FBXO25: variants seen among roughly 807,000 people sequenced by gnomAD.
The protein encoded by FBXO25 is F-box only protein 25.
Under a neutral mutation model 51.9 loss-of-function variants are expected in FBXO25, and 45 were observed. The observed-to-expected ratio is 0.87, with a 90% CI of 0.68 to 1.11. FBXO25 has a LOEUF of 1.11. Among genes scored for constraint, FBXO25 ranks in the 50% most tolerant of loss-of-function variants. FBXO25 has a pLI of 0.00. For synonymous variants in FBXO25, 199 were observed against 151.0 expected (o/e 1.32, Z -2.33); for missense variants, 507 against 428.5 (o/e 1.18, Z -1.62).
chr8:418,026 A>G (rs868407773), intron 2 of FBXO25, among the ~76,000 whole-genome samples: 1 of 152,204 alleles, frequency 6.6e-6, no homozygotes, highest in Non-Finnish European at 1.5e-5. Flanking sequence ...ACAGATTCCC[A>G]TTAATTCACA....
At chr8:460,105 G>A (rs1799711523) in intron 8 of FBXO25, among the ~76,000 whole-genome samples, 1 of 152,144 alleles carries the variant, frequency 6.6e-6, no homozygotes, top group Admixed American at 6.5e-5. Context: ...GGTTGCCTGG[G>A]ATGAGCCCTC....
At chr8:433,289 G>C (rs1797922768) in intron 4 of FBXO25, among the ~76,000 whole-genome samples, 1 of 152,136 alleles carries the variant, frequency 6.6e-6, no homozygotes, top group Non-Finnish European at 1.5e-5. Flanking sequence ...TGTGGTATAT[G>C]TGTGCAGTGT....
chr8:431,569 C>A (rs1175322028), intron 3 of FBXO25, 125 bp downstream of exon 3: 16 of 521,158 alleles, frequency 3.1e-5, no homozygotes, highest in Non-Finnish European at 4.7e-5. Flanking sequence ...CAGTATCCAG[C>A]ATTGCCTACA....
At chr8:421,397 C>A (rs1348313211) in intron 2 of FBXO25, among the ~76,000 whole-genome samples, 1 of 152,224 alleles carries the variant, frequency 6.6e-6, no homozygotes, top group South Asian at 2.1e-4. Context: ...TTATCAGTAA[C>A]TTTGGAAAAC....
chr8:425,925 G>A (rs1797446479), intron 2 of FBXO25, among the ~76,000 whole-genome samples: 2 of 138,060 alleles, frequency 1.4e-5, no homozygotes, highest in African/African-American at 2.8e-5. Flanking sequence ...TTATCCTAAT[G>A]CCTTTATAGC....
intron 5 of FBXO25, among the ~76,000 whole-genome samples, chr8:443,188 C>A (rs1332485447): frequency 1.3e-5 from 2 of 151,116 alleles, no homozygotes; most frequent in Non-Finnish European, 2.9e-5. Flanking sequence ...GGTGTCAGGG[C>A]AGTTTGAGCA....
At chr8:430,197 C>T (rs1381726465) in intron 2 of FBXO25, among the ~76,000 whole-genome samples, 1 of 152,148 alleles carries the variant, frequency 6.6e-6, no homozygotes, top group Non-Finnish European at 1.5e-5. Context: ...TTAGAAAAAC[C>T]GTTATAGATT....
At chr8:412,942 G>T (rs1296005405) in intron 1 of FBXO25, 131 bp from the exon 2 acceptor site, 1 of 881,988 alleles carries the variant, frequency 1.1e-6, no homozygotes, top group East Asian at 3.0e-5. Context: ...CCAATGTCGA[G>T]CCAACGTTTA....
In FBXO25 at chr8:473,259, C is replaced by G. The variant is rs1800539913; in HGVS notation, c.*4455C>G. The stretch of plus-strand genomic sequence containing the variant: ...CCGGTAGGAGCTGCTCAGGTGTAGC[C>G]TCTGCCTTCAGAATTTCAGCAGGAA... On this transcript the variant is annotated 3_prime_UTR_variant, in exon 10 of 10. Coordinates refer to ENST00000350302, the MANE Select transcript of FBXO25 (RefSeq NM_183420.2). 6.6e-6 allele frequency: 1 copy of G among 152,274 alleles called. No homozygotes were observed. The highest frequency in any genetic ancestry group is 1.9e-4 in the East Asian group (1 of 5,178). 9.4% of individuals were successfully genotyped at this position (152,274 alleles called of 1,614,324 possible).
chr8:442,798 C>G (rs1798511093), intron 5 of FBXO25, among the ~76,000 whole-genome samples: 1 of 152,130 alleles, frequency 6.6e-6, no homozygotes, highest in Non-Finnish European at 1.5e-5. Flanking sequence ...AGATTCTACA[C>G]AAAGATATCT....
At chr8:460,979 C>T (rs989424706) in intron 8 of FBXO25, among the ~76,000 whole-genome samples, 4 of 152,164 alleles carry the variant, frequency 2.6e-5, no homozygotes, top group Non-Finnish European at 4.4e-5. Flanking sequence ...AAAACATGCT[C>T]ATTGCAGCAA....
intron 5 of FBXO25, among the ~76,000 whole-genome samples, chr8:444,701 G>A (rs1434848171): frequency 6.6e-6 from 1 of 152,050 alleles, no homozygotes; most frequent in South Asian, 2.1e-4. Context: ...GTCAATGACC[G>A]ACCGCGTGTA....
rs573392926 is a variant in FBXO25 at position 445,666 on chromosome 8, A to G, written c.382-4324A>G. Among the ~76,000 whole-genome samples, 4 of 152,314 alleles carry G rather than the reference A, an allele frequency of 2.6e-5. No homozygotes were observed. In the South Asian group the frequency reaches 6.2e-4, roughly 24 times the overall value. On this transcript the variant is annotated intron_variant, in intron 5 of 9. Coordinates refer to ENST00000350302, the MANE Select transcript of FBXO25 (RefSeq NM_183420.2). Reference sequence around the variant, plus strand: ...TCAGGAGTTTGAGACCAGCCTGGCCAACATGGTGAAACCTGTCTCTACTAA... The same window carrying G: ...TCAGGAGTTTGAGACCAGCCTGGCCGACATGGTGAAACCTGTCTCTACTAA...
At chr8:423,697 T>G (rs1485940640) in intron 2 of FBXO25, among the ~76,000 whole-genome samples, 1 of 152,256 alleles carries the variant, frequency 6.6e-6, no homozygotes, top group Non-Finnish European at 1.5e-5. Flanking sequence ...CTACCATTGA[T>G]GGGCACCTGG....
intron 9 of FBXO25, among the ~76,000 whole-genome samples, chr8:463,393 C>T (rs1279177005): frequency 6.6e-6 from 1 of 152,202 alleles, no homozygotes; most frequent in Admixed American, 6.5e-5. Context: ...TGCAGGAGGG[C>T]GTTGCAGGCG....
chr8:413,356 A>G, intron 2 of FBXO25, 143 bp downstream of exon 2: 1 of 1,326,170 alleles, frequency 7.5e-7, no homozygotes, highest in Non-Finnish European at 9.7e-7. Context: ...TTGTTTAGCT[A>G]AAAAATGAGG....
chr8:471,866 C>T lies in FBXO25; in HGVS notation c.*3062C>T, dbSNP rs1013152949. The T allele has an allele frequency of 6.6e-6, 1 of 152,206 alleles. No individual in the cohort carries two copies. Among genetic ancestry groups the T allele is most frequent in the Admixed American group, 6.5e-5 (1 of 15,268 alleles). 9.4% of individuals were successfully genotyped at this position (152,206 alleles called of 1,614,324 possible). A position where few individuals can be genotyped will look rare whatever the true frequency, so the allele number is the denominator to read the frequency against. On this transcript the variant is annotated 3_prime_UTR_variant, in exon 10 of 10. Coordinates refer to ENST00000350302, the MANE Select transcript of FBXO25 (RefSeq NM_183420.2). Reference sequence around the variant, plus strand: ...ACTGTACAGGGCTGTACACAGCAAACTGTGTCTACTTTATGGAAAAAATTT... The same window carrying T: ...ACTGTACAGGGCTGTACACAGCAAATTGTGTCTACTTTATGGAAAAAATTT...
chr8:409,461 A>G (rs1036248127), intron 1 of FBXO25, among the ~76,000 whole-genome samples: 1 of 152,202 alleles, frequency 6.6e-6, no homozygotes, highest in Admixed American at 6.5e-5. Flanking sequence ...TTCATTTTTC[A>G]CTGAGTTGCC....
At chr8:438,650 C>G (rs1335572422) in intron 5 of FBXO25, among the ~76,000 whole-genome samples, 2 of 152,212 alleles carry the variant, frequency 1.3e-5, no homozygotes, top group Non-Finnish European at 2.9e-5. Context: ...TCACTCAAGG[C>G]AGGAGGAGCC....
Sources: allele counts gnomAD v4.1 joint callset (sites outside exome capture counted in the v4.1 genomes callset), GRCh38; gene constraint gnomAD v4.1.1; transcripts MANE v1.5; gene names NCBI Gene and HGNC (gene_info 2026-07-23, HGNC 2026-07-21).